The following ALDH5A1 variants were observed in gnomAD, a reference collection of about 807,000 sequenced individuals.
ALDH5A1 encodes the protein succinate-semialdehyde dehydrogenase, mitochondrial.
ALDH5A1 carries 33 observed loss-of-function variants against 54.7 expected under a neutral mutation model. That is an observed-to-expected ratio of 0.60 (90% CI 0.46 to 0.81). The LOEUF is 0.81. Among genes scored for constraint, ALDH5A1 ranks in the 30% least tolerant of loss-of-function variants. ALDH5A1 has a pLI of 0.00. For synonymous variants in ALDH5A1, 294 were observed against 292.7 expected (o/e 1.00, Z -0.05); for missense variants, 657 against 711.0 (o/e 0.92, Z 0.86).
chr6:24,502,808 C>A (rs765331092), intron 2 of ALDH5A1, among the ~76,000 whole-genome samples: 7 of 151,908 alleles, frequency 4.6e-5, no homozygotes, highest in Non-Finnish European at 1.0e-4. Flanking sequence ...CTAGTTTATT[C>A]TTTAATAGTA....
At chr6:24,526,174 C>T (rs568872096) in intron 7 of ALDH5A1, among the ~76,000 whole-genome samples, 9 of 152,216 alleles carry the variant, frequency 5.9e-5, no homozygotes, top group African/African-American at 2.2e-4. Context: ...GTGTGTCCCC[C>T]AAACACACTG....
chr6:24,517,269 G>A (rs2127386537), intron 5 of ALDH5A1, among the ~76,000 whole-genome samples: 1 of 152,328 alleles, frequency 6.6e-6, no homozygotes, highest in African/African-American at 2.4e-5. Flanking sequence ...GCCTCCCAAA[G>A]TGCTGGGATT....
At chr6:24,519,940 T>C (rs757716202) in intron 5 of ALDH5A1, among the ~76,000 whole-genome samples, 11 of 151,118 alleles carry the variant, frequency 7.3e-5, no homozygotes, top group Non-Finnish European at 1.3e-4. Context: ...ACTTATATGG[T>C]TGAAAAATTA....
At chr6:24,528,277 G>T in intron 8 of ALDH5A1, 111 bp downstream of exon 8, 1 of 1,267,338 alleles carries the variant, frequency 7.9e-7, no homozygotes, top group South Asian at 1.3e-5. Context: ...GCAGACAGTT[G>T]TGTTGAGTCC....
intron 1 of ALDH5A1, among the ~76,000 whole-genome samples, 189 bp from the exon 2 acceptor site, chr6:24,502,334 C>T (rs1047867767): frequency 2.6e-5 from 4 of 152,164 alleles, no homozygotes; most frequent in Non-Finnish European, 5.9e-5. Flanking sequence ...AAAACACTCA[C>T]GGACATACCC....
In ALDH5A1 at chr6:24,503,252, AT is replaced by A. The variant is rs1759241902; in HGVS notation, c.439-8del. On this transcript the variant is annotated splice_polypyrimidine_tract_variant and intron_variant, in intron 2 of 9. Coordinates refer to ENST00000357578, the MANE Select transcript of ALDH5A1 (RefSeq NM_001080.3). Reference sequence around the variant, plus strand: ...AAGGTAATACGTGGGTTCTTTTCTGATTTAATTTAGGGAAAGCCACTGAAGG... The same window carrying A: ...AAGGTAATACGTGGGTTCTTTTCTGATTAATTTAGGGAAAGCCACTGAAGG... 1 of 1,613,154 alleles carries A rather than the reference AT, an allele frequency of 6.2e-7. No homozygotes were observed. The highest frequency in any genetic ancestry group is 1.3e-5 in the African/African-American group (1 of 74,924).
intron 4 of ALDH5A1, among the ~76,000 whole-genome samples, chr6:24,513,539 A>T (rs1759501687): frequency 6.6e-6 from 1 of 152,172 alleles, no homozygotes; most frequent in African/African-American, 2.4e-5. Flanking sequence ...AAGATAAGGT[A>T]GCTTGCTTCC....
In ALDH5A1 at chr6:24,533,652, G is replaced by A; in HGVS notation, c.1548G>A (p.Gly516=). The A allele has an allele frequency of 6.2e-7, 1 of 1,614,104 alleles. No individual in the cohort carries two copies. The highest frequency in any genetic ancestry group is 1.7e-5 in the Admixed American group (1 of 60,014). ...AGCAGTCCGGCCTTGGGCGAGAGGG[G>A]TCCAAGTATGGCATTGATGAGTATC... is the stretch of plus-strand genomic sequence containing the variant. ...GVKQSGLGRE[G]SKYGIDEYLE... The change falls in exon 10 of 10, where the codon GGG becomes GGA. Residue 516 remains glycine, a synonymous_variant. Coordinates refer to ENST00000357578, the MANE Select transcript of ALDH5A1 (RefSeq NM_001080.3).
intron 4 of ALDH5A1, among the ~76,000 whole-genome samples, chr6:24,506,987 C>T (rs895572663): frequency 2.6e-5 from 4 of 152,234 alleles, no homozygotes; most frequent in African/African-American, 9.6e-5. Flanking sequence ...TATCCCATTA[C>T]ATTTAGTTGC....
chr6:24,519,526 C>T (rs1759634699), intron 5 of ALDH5A1, among the ~76,000 whole-genome samples: 1 of 152,068 alleles, frequency 6.6e-6, no homozygotes, highest in Non-Finnish European at 1.5e-5. Context: ...GATTGCGCCA[C>T]TGCACTACAG....
chr6:24,513,013 A>G (rs371972982), intron 4 of ALDH5A1, among the ~76,000 whole-genome samples: 1 of 152,192 alleles, frequency 6.6e-6, no homozygotes, highest in East Asian at 1.9e-4. Context: ...TTTTGTGGGC[A>G]TGTCTTTCTG....
chr6:24,533,104 AATGGAAG>A (rs1759966031), intron 9 of ALDH5A1, among the ~76,000 whole-genome samples: 1 of 152,208 alleles, frequency 6.6e-6, no homozygotes, highest in African/African-American at 2.4e-5. Context: ...TGATTGGAGT[AATGGAAG>A]ATGAAGCCAG....
intron 8 of ALDH5A1, among the ~76,000 whole-genome samples, chr6:24,528,801 C>T (rs532718696): frequency 6.6e-6 from 1 of 150,386 alleles, no homozygotes; most frequent in East Asian, 2.0e-4. Flanking sequence ...CTTCAGCCTT[C>T]CGAGTAGCTG....
intron 7 of ALDH5A1, among the ~76,000 whole-genome samples, 159 bp downstream of exon 7, chr6:24,523,084 C>T (rs565118170): frequency 4.9e-4 from 75 of 152,158 alleles, no homozygotes; most frequent in African/African-American, 1.8e-3. Flanking sequence ...TGTTCTACAG[C>T]ACTGTAGAAT....
intron 6 of ALDH5A1, 46 bp downstream of exon 6, chr6:24,520,590 TGTGA>T (rs1255041268): frequency 3.7e-6 from 6 of 1,608,332 alleles, no homozygotes; most frequent in Non-Finnish European, 5.1e-6. Context: ...CGTGTGCATG[TGTGA>T]GTGTGTGTAT....
In ALDH5A1 at chr6:24,526,976, A is replaced by C. The variant is rs371638478; in HGVS notation, c.1174-1021A>C. On this transcript the variant is annotated intron_variant, in intron 7 of 9. Coordinates refer to ENST00000357578, the MANE Select transcript of ALDH5A1 (RefSeq NM_001080.3). ...CTAATATATATATATGTGTGTGTGT[A>C]TATATATATATATATATATATATAT... 5.5e-3 allele frequency among the ~76,000 whole-genome samples: 88 copies of C among 15,952 alleles called. 3 individuals carry two copies. The highest frequency in any genetic ancestry group is 6.1e-3 in the African/African-American group (60 of 9,898). 10.5% of individuals were successfully genotyped at this position (15,952 alleles called of 152,430 possible).
intron 7 of ALDH5A1, among the ~76,000 whole-genome samples, chr6:24,523,985 G>GTTTTTTTTTTTTTTTTTTTTTGTTT (rs36023125): frequency 8.8e-6 from 1 of 113,398 alleles, no homozygotes; most frequent in African/African-American, 3.2e-5. Context: ...AGTTTTTTGT[G>GTTTTTTTTTTTTTTTTTTTTTGTTT]TTTTTTTTTT....
At chr6:24,496,233 A>G (rs1764701963) in intron 1 of ALDH5A1, among the ~76,000 whole-genome samples, 1 of 151,764 alleles carries the variant, frequency 6.6e-6, no homozygotes, top group African/African-American at 2.4e-5. Flanking sequence ...TACCTCAGTT[A>G]AACGAAAGAA....
rs755481351 is a variant in ALDH5A1, at chr6:24,494,981, C to T, written c.-16C>T. On this transcript the variant is annotated 5_prime_UTR_variant, in exon 1 of 10. Coordinates refer to ENST00000357578, the MANE Select transcript of ALDH5A1 (RefSeq NM_001080.3). ...CGCCCGCTTGCCTGTTTCCTGTCGC[C>T]GTCGTTGCCCGGGCCATGGCGACCT... 1.5e-6 allele frequency: 2 copies of T among 1,311,460 alleles called. No individual in the cohort carries two copies. The highest frequency in any genetic ancestry group is 2.7e-5 in the South Asian group (1 of 37,698). The allele number at this position is 1,311,460 out of a possible 1,614,324, so 81.2% of individuals were successfully genotyped here. A position where few individuals can be genotyped will look rare whatever the true frequency, so the allele number is the denominator to read the frequency against.
Sources: allele counts gnomAD v4.1 joint callset (sites outside exome capture counted in the v4.1 genomes callset), GRCh38; gene constraint gnomAD v4.1.1; transcripts MANE v1.5; gene names NCBI Gene and HGNC (gene_info 2026-07-23, HGNC 2026-07-21).